The following KDM4B variants were observed in gnomAD, a reference collection of about 807,000 sequenced individuals.
KDM4B encodes the protein lysine demethylase 4B, also known as lysine-specific demethylase 4B.
A neutral mutation model predicts 125.2 loss-of-function variants in KDM4B; 32 were observed. That is an observed-to-expected ratio of 0.26 (90% confidence interval 0.19 to 0.34). The LOEUF is 0.34. KDM4B is among the 10% of genes least tolerant of loss of function. The probability of loss-of-function intolerance (pLI) is 1.00; values close to 1 mark genes in which losing one functional copy is unlikely to be tolerated. For synonymous variants in KDM4B, 721 were observed against 677.9 expected, an observed-to-expected ratio of 1.06 and a Z score of -0.99; for missense variants, 1,190 against 1,577.7, an observed-to-expected ratio of 0.75 and a Z score of 4.16.
intron 11 of KDM4B, among the ~76,000 whole-genome samples, chr19:5,126,896 TG>T (rs1385773377): frequency 2.0e-5 from 3 of 151,486 alleles, no homozygotes; most frequent in Non-Finnish European, 4.4e-5. Context: ...GCTGGTGAGT[TG>T]ATCTCGGCAG....
intron 9 of KDM4B, among the ~76,000 whole-genome samples, chr19:5,088,393 C>T (rs1160310132): frequency 1.3e-5 from 2 of 152,160 alleles, no homozygotes; most frequent in South Asian, 4.1e-4. Context: ...TCCTGGACCA[C>T]GCAGGCCATA....
Position 5,045,066 on chromosome 19 carries a change from G to A in KDM4B, c.433-2410G>A, listed in dbSNP as rs547404596. ...TCATCTCCTTTGGGTAAATACCAAG[G>A]AGTACAGTTGCTGGACCACGTGGTG... On this transcript the variant is annotated intron_variant, in intron 5 of 22. Transcript: ENST00000159111. Among the ~76,000 whole-genome samples, 11 of 152,300 alleles carry A rather than the reference G, an allele frequency of 7.2e-5. No homozygotes were observed. The East Asian group carries it at 2.1e-3, about 29-fold the overall frequency.
At chr19:5,144,524 G>T (rs2039807804) in intron 20 of KDM4B, 112 bp downstream of exon 20, 1 of 862,498 alleles carries the variant, frequency 1.2e-6, no homozygotes, top group Admixed American at 3.8e-5. Context: ...AGCTAGGAGT[G>T]GCCTGACTCC....
chr19:5,148,089 C>T (rs1398355734), intron 21 of KDM4B, among the ~76,000 whole-genome samples: 2 of 152,232 alleles, frequency 1.3e-5, no homozygotes, highest in East Asian at 1.9e-4. Context: ...ATGTTTCCCT[C>T]GCACGTGACC....
At chr19:4,978,321 A>C (rs926000573) in intron 1 of KDM4B, among the ~76,000 whole-genome samples, 1 of 151,776 alleles carries the variant, frequency 6.6e-6, no homozygotes, top group African/African-American at 2.4e-5. Flanking sequence ...AGCCTGGCCA[A>C]CGTGGTGAAA....
At chr19:5,027,800 C>G (rs1243704275) in intron 2 of KDM4B, among the ~76,000 whole-genome samples, 1 of 152,188 alleles carries the variant, frequency 6.6e-6, no homozygotes, top group Non-Finnish European at 1.5e-5. Context: ...CTTGGCCTCA[C>G]AAAGTGCTGG....
At position 5,139,026 on chromosome 19, in the gene KDM4B, G is replaced by A. The variant is rs1018561233; in HGVS notation, c.2550+956G>A. Among the ~76,000 whole-genome samples, 18 of 152,154 alleles carry A rather than the reference G, an allele frequency of 1.2e-4. 1 individual carries two copies. The highest frequency in any genetic ancestry group is 3.6e-4 in the African/African-American group (15 of 41,438). On this transcript the variant is annotated intron_variant, in intron 18 of 22. Coordinates refer to ENST00000159111, the MANE Select transcript of KDM4B (RefSeq NM_015015.3). ...CAGCCTCAAACTCCTGGGCTCAAGC[G>A]ATCATCCCGCCTCAGCCTCCTGAGT... is the stretch of plus-strand genomic sequence containing the variant.
At chr19:5,005,957 C>T (rs1203310380) in intron 1 of KDM4B, among the ~76,000 whole-genome samples, 1 of 152,152 alleles carries the variant, frequency 6.6e-6, no homozygotes, top group Non-Finnish European at 1.5e-5. Flanking sequence ...GGTGGCTTCT[C>T]ATCCCAGTGG....
intron 1 of KDM4B, among the ~76,000 whole-genome samples, chr19:4,972,375 A>C (rs1365002497): frequency 6.6e-6 from 1 of 152,102 alleles, no homozygotes; most frequent in Non-Finnish European, 1.5e-5. Flanking sequence ...AAAGCGGGTA[A>C]AAGGCGCTGA....
At chr19:5,100,544 C>T (rs1348069570) in intron 9 of KDM4B, among the ~76,000 whole-genome samples, 1 of 152,188 alleles carries the variant, frequency 6.6e-6, no homozygotes, top group African/African-American at 2.4e-5. Flanking sequence ...CCTCCTGCCT[C>T]AGCCTCCTGT....
intron 6 of KDM4B, among the ~76,000 whole-genome samples, chr19:5,058,948 G>C (rs2037495675): frequency 1.3e-5 from 2 of 152,214 alleles, no homozygotes; most frequent in Admixed American, 1.3e-4. Flanking sequence ...GTCATCACTG[G>C]GCGTGAATTC....
In KDM4B at chr19:5,151,664, G is replaced by T. The variant is rs2039951221; in HGVS notation, c.*153G>T. 1 of 623,544 alleles carries T rather than the reference G, an allele frequency of 1.6e-6. No individual in the cohort carries two copies. The highest frequency in any genetic ancestry group is 2.3e-6 in the Non-Finnish European group (1 of 430,344). 38.6% of individuals were successfully genotyped at this position (623,544 alleles called of 1,614,324 possible). A position where few individuals can be genotyped will look rare whatever the true frequency, so the allele number is the denominator to read the frequency against. On this transcript the variant is annotated 3_prime_UTR_variant, in exon 23 of 23. Coordinates refer to ENST00000159111, the MANE Select transcript of KDM4B (RefSeq NM_015015.3). ...CCCCCTAGGGCGACAGGAGCCAGCG[G>T]GACGCCGCACGCGGCCCCAGACTCA... is the stretch of plus-strand genomic sequence containing the variant.
chr19:5,090,015 G>A (rs2038637325), intron 9 of KDM4B, among the ~76,000 whole-genome samples: 1 of 152,126 alleles, frequency 6.6e-6, no homozygotes. Flanking sequence ...ACAAAAAGGG[G>A]GAAACAAGAC....
intron 9 of KDM4B, among the ~76,000 whole-genome samples, chr19:5,095,683 AG>A (rs2038806783): frequency 6.6e-6 from 1 of 151,782 alleles, no homozygotes; most frequent in South Asian, 2.1e-4. Context: ...GGCTGGGAGC[AG>A]CCAGGGTGGA....
At chr19:5,021,975 CCT>C (rs2036136445) in intron 2 of KDM4B, among the ~76,000 whole-genome samples, 1 of 152,080 alleles carries the variant, frequency 6.6e-6, no homozygotes, top group Non-Finnish European at 1.5e-5. Flanking sequence ...TTTTTGTTTG[CCT>C]CTGTCTGCTT....
At position 5,114,817 on chromosome 19, in the gene KDM4B, G is replaced by A. The variant is rs914805222; in HGVS notation, c.1115+3999G>A. On this transcript the variant is annotated intron_variant, in intron 10 of 22. Transcript: ENST00000159111. The surrounding 1 kb of genome is among the most constrained non-coding windows in gnomAD (Gnocchi z 5.8). ...GTGCCCTGTGTTACTGGGTGACAGG[G>A]CCAGAGGCCGTCCACCCCGCCTCCT... 1.3e-5 allele frequency among the ~76,000 whole-genome samples: 2 copies of A among 152,212 alleles called. No individual in the cohort carries two copies.
intron 6 of KDM4B, among the ~76,000 whole-genome samples, chr19:5,057,753 T>C (rs900169285): frequency 7.9e-5 from 12 of 152,212 alleles, no homozygotes; most frequent in Non-Finnish European, 1.8e-4. Flanking sequence ...CAGGACGATG[T>C]GCAGCCTTGA....
intron 18 of KDM4B, among the ~76,000 whole-genome samples, 178 bp from the exon 19 acceptor site, chr19:5,143,789 G>A (rs1197646769): frequency 6.6e-6 from 1 of 152,154 alleles, no homozygotes; most frequent in African/African-American, 2.4e-5. Flanking sequence ...GGGTCTGGAG[G>A]GCTTGGCCAG....
At chr19:5,054,497 C>G (rs2037334668) in intron 6 of KDM4B, among the ~76,000 whole-genome samples, 2 of 151,898 alleles carry the variant, frequency 1.3e-5, no homozygotes, top group South Asian at 4.2e-4. Context: ...TGTGCGCGCG[C>G]ATGCACATGC....
Sources: allele counts gnomAD v4.1 joint callset (sites outside exome capture counted in the v4.1 genomes callset), GRCh38; gene constraint gnomAD v4.1.1; non-coding constraint Gnocchi (gnomAD v3.1); transcripts MANE v1.5; gene names NCBI Gene and HGNC (gene_info 2026-07-23, HGNC 2026-07-21).